Variants in RAP2A observed in about 807,000 individuals in gnomAD.
RAP2A encodes the protein RAP2A, member of RAS oncogene family.
RAP2A carries 5 observed loss-of-function variants against 15.1 expected under a neutral mutation model. The observed-to-expected ratio is 0.33, with a 90% CI of 0.17 to 0.70. The LOEUF (loss-of-function observed/expected upper bound fraction) is 0.70. RAP2A is among the 30% of genes least tolerant of loss of function. The pLI is 0.68. For missense variants in RAP2A, 111 were observed against 240.3 expected (o/e 0.46, Z 3.56); for synonymous variants, 110 against 99.7 (o/e 1.10, Z -0.62).
intron 1 of RAP2A, among the ~76,000 whole-genome samples, chr13:97,442,213 T>C (rs759177954): frequency 7.9e-5 from 12 of 152,102 alleles, no homozygotes; most frequent in Non-Finnish European, 1.6e-4. Context: ...AAAAACAATA[T>C]TTGAAGATTC....
chr13:97,443,651 C>G (rs1030136239), intron 1 of RAP2A, among the ~76,000 whole-genome samples: 1 of 152,214 alleles, frequency 6.6e-6, no homozygotes, highest in Non-Finnish European at 1.5e-5. Context: ...CTCAACTGCC[C>G]AAAGCACTGG....
chr13:97,434,839 G>T (rs2066625813), intron 1 of RAP2A, 55 bp downstream of exon 1: 10 of 1,596,110 alleles, frequency 6.3e-6, no homozygotes, highest in South Asian at 1.1e-5. Flanking sequence ...ACCGTCCCGG[G>T]GCTGGAACTC....
At chr13:97,456,148 C>T (rs1252083274) in intron 1 of RAP2A, among the ~76,000 whole-genome samples, 8 of 144,328 alleles carry the variant, frequency 5.5e-5, no homozygotes, top group Admixed American at 5.4e-4. Flanking sequence ...GGGTTTTCAG[C>T]CCACACACAT....
intron 1 of RAP2A, 130 bp from the exon 2 acceptor site, chr13:97,464,075 A>G: frequency 1.3e-6 from 1 of 787,196 alleles, no homozygotes; most frequent in East Asian, 2.6e-5. Context: ...GCCAAGTGGT[A>G]CAAATCATTT....
chr13:97,460,520 T>C (rs534258425), intron 1 of RAP2A, among the ~76,000 whole-genome samples: 29 of 150,886 alleles, frequency 1.9e-4, no homozygotes, highest in African/African-American at 6.8e-4. Context: ...TTTGGTTTCT[T>C]TTTTTTTTAA....
intron 1 of RAP2A, among the ~76,000 whole-genome samples, chr13:97,457,372 C>T (rs1487713070): frequency 6.6e-6 from 1 of 151,750 alleles, no homozygotes; most frequent in Non-Finnish European, 1.5e-5. Flanking sequence ...CCTTCATATG[C>T]ATTAATGGAG....
At chr13:97,448,452 G>C (rs531254015) in intron 1 of RAP2A, among the ~76,000 whole-genome samples, 1 of 152,288 alleles carries the variant, frequency 6.6e-6, no homozygotes, top group East Asian at 1.9e-4. Context: ...GATTGCCCAA[G>C]TGTGGTGTGT....
Position 97,447,668 on chromosome 13 carries a change from G to A in RAP2A, c.314+12884G>A, listed in dbSNP as rs181736004. ...TTAGATAGTGTACATCCAAAAATGC[G>A]TTTTTAGCCTGGTGGCCATGGACAT... On this transcript the variant is annotated intron_variant, in intron 1 of 1. Coordinates refer to ENST00000245304, the MANE Select transcript of RAP2A (RefSeq NM_021033.7). 3.3e-4 allele frequency among the ~76,000 whole-genome samples: 50 copies of A among 152,258 alleles called. No homozygotes were observed. The East Asian group carries it at 8.1e-3, about 25-fold the overall frequency.
intron 1 of RAP2A, chr13:97,441,772 A>C (rs770110167): frequency 1.8e-5 from 8 of 450,890 alleles, no homozygotes; most frequent in Non-Finnish European, 3.6e-5. Context: ...TTTCAGGCCT[A>C]TGTTGTAAAA....
Position 97,464,208 on chromosome 13 carries a change from T to C in RAP2A, c.318T>C (p.Tyr106=). The C allele has an allele frequency of 3.1e-6, 5 of 1,613,560 alleles. No homozygotes were observed. Among genetic ancestry groups the C allele is most frequent in the Non-Finnish European group, 4.2e-6 (5 of 1,179,528 alleles). The change falls in exon 2 of 2, where the codon TAT becomes TAC. Residue 106 remains tyrosine, a synonymous_variant. Coordinates refer to ENST00000245304, the MANE Select transcript of RAP2A (RefSeq NM_021033.7). ...MRDQIIRVKR[Y]EKVPVILVGN... ...TGTTTTGTTTATTCTCTCATAGGTATGAGAAAGTGCCAGTCATCTTGGTTG... is the reference window on the plus strand; with the variant it reads ...TGTTTTGTTTATTCTCTCATAGGTACGAGAAAGTGCCAGTCATCTTGGTTG...
chr13:97,441,894 G>C, intron 1 of RAP2A: 1 of 300,682 alleles, frequency 3.3e-6, no homozygotes, highest in South Asian at 2.7e-5. Flanking sequence ...GAAATGTATA[G>C]ATATTGTGTT....
At chr13:97,440,185 C>T (rs1203268747) in intron 1 of RAP2A, among the ~76,000 whole-genome samples, 1 of 152,112 alleles carries the variant, frequency 6.6e-6, no homozygotes, top group Non-Finnish European at 1.5e-5. Context: ...AGTACCAAAA[C>T]TTAATTCAAA....
rs1198371065 is a variant in RAP2A, at chr13:97,434,803, G to A, written c.314+19G>A. The A allele has an allele frequency of 1.2e-6, 2 of 1,612,156 alleles. No homozygotes were observed. The highest frequency in any genetic ancestry group is 1.7e-6 in the Non-Finnish European group (2 of 1,178,960). ...TGAAGCGGTGAGCGAGGGCACACGG[G>A]GGCTTGGCGGCTGCACCCCGGAGTC... On this transcript the variant is annotated intron_variant, in intron 1 of 1. Transcript: ENST00000245304.
intron 1 of RAP2A, among the ~76,000 whole-genome samples, chr13:97,450,097 T>A (rs1396042227): frequency 6.6e-6 from 1 of 152,174 alleles, no homozygotes; most frequent in Non-Finnish European, 1.5e-5. Flanking sequence ...ATTTAAAAGT[T>A]CCTAAAAATC....
At chr13:97,460,799 C>A (rs929160873) in intron 1 of RAP2A, among the ~76,000 whole-genome samples, 49 of 152,142 alleles carry the variant, frequency 3.2e-4, no homozygotes, top group Admixed American at 2.0e-4. Flanking sequence ...CTTTCCTAGG[C>A]CCCCATCACC....
intron 1 of RAP2A, among the ~76,000 whole-genome samples, chr13:97,435,484 AAAAC>A (rs1370221613): frequency 6.7e-6 from 1 of 149,576 alleles, no homozygotes; most frequent in African/African-American, 2.4e-5. Flanking sequence ...AAAAAAAAAA[AAAAC>A]ACCACCACAC....
In RAP2A at chr13:97,465,962, G is replaced by C. The variant is rs1046366501; in HGVS notation, c.*1520G>C. ...CACATTTTGTTGGTTTCACAGTCTT[G>C]TGCAAGTAACCTCTGGTCTTACGTG... On this transcript the variant is annotated 3_prime_UTR_variant, in exon 2 of 2. Transcript: ENST00000245304. 2.6e-5 allele frequency: 4 copies of C among 152,082 alleles called. No individual in the cohort carries two copies. The highest frequency in any genetic ancestry group is 9.7e-5 in the African/African-American group (4 of 41,396). The allele number at this position is 152,082 out of a possible 1,614,324, so 9.4% of individuals were successfully genotyped here. A position where few individuals can be genotyped will look rare whatever the true frequency, so the allele number is the denominator to read the frequency against.
intron 1 of RAP2A, among the ~76,000 whole-genome samples, chr13:97,458,159 G>T (rs530123144): frequency 6.6e-6 from 1 of 152,196 alleles, no homozygotes; most frequent in East Asian, 1.9e-4. Context: ...TTTTTTTGAC[G>T]TTTTGCCTTG....
chr13:97,455,146 T>C (rs1429754566), intron 1 of RAP2A, among the ~76,000 whole-genome samples: 1 of 151,562 alleles, frequency 6.6e-6, no homozygotes, highest in Non-Finnish European at 1.5e-5. Flanking sequence ...ATTAGATCAT[T>C]TTTGTTGATC....
Sources: allele counts gnomAD v4.1 joint callset (sites outside exome capture counted in the v4.1 genomes callset), GRCh38; gene constraint gnomAD v4.1.1; transcripts MANE v1.5; gene names NCBI Gene and HGNC (gene_info 2026-07-23, HGNC 2026-07-21).